The following PRELID2 variants were observed in gnomAD, a reference collection of about 807,000 sequenced individuals.
PRELID2 encodes PRELI domain-containing protein 2.
PRELID2 carries 25 observed loss-of-function variants against 28.4 expected under a neutral mutation model. The ratio of observed to expected loss-of-function variants is 0.88; its 90% CI spans 0.64 to 1.23. PRELID2 has a LOEUF of 1.23. PRELID2 is among the 50% of genes most tolerant of loss of function. PRELID2 has a pLI of 0.00. For synonymous variants in PRELID2, 76 were observed against 71.6 expected, an observed-to-expected ratio of 1.06 and a Z score of -0.31; for missense variants, 201 against 214.4, an observed-to-expected ratio of 0.94 and a Z score of 0.39.
chr5:145,749,163 T>C (rs1467178420), intron 1 of PRELID2, among the ~76,000 whole-genome samples: 2 of 152,094 alleles, frequency 1.3e-5, no homozygotes, highest in South Asian at 2.1e-4. Flanking sequence ...CAAAAGAAAC[T>C]ATCATCAGAG....
At chr5:145,245,458 A>T in the PRELID2 span, among the ~76,000 whole-genome samples, 4 of 152,142 alleles carry the variant, frequency 2.6e-5, no homozygotes, top group South Asian at 8.3e-4. Flanking sequence ...TCCAAAAAAC[A>T]TTACACTTGG....
intron 1 of PRELID2, among the ~76,000 whole-genome samples, chr5:145,730,395 T>C (rs1271236562): frequency 6.6e-6 from 1 of 152,192 alleles, no homozygotes; most frequent in Non-Finnish European, 1.5e-5. Flanking sequence ...CAAGCAGCAC[T>C]AATAACTAGC....
At chr5:145,653,902 G>C (rs1167017607) in intron 1 of PRELID2, among the ~76,000 whole-genome samples, 4 of 152,148 alleles carry the variant, frequency 2.6e-5, no homozygotes, top group Non-Finnish European at 5.9e-5. Flanking sequence ...TAAGATCAGA[G>C]CAGAAGTGAA....
the PRELID2 span, among the ~76,000 whole-genome samples, chr5:145,312,547 C>A: frequency 6.6e-6 from 1 of 152,154 alleles, no homozygotes; most frequent in South Asian, 2.1e-4. Context: ...AACCATCGGT[C>A]TACTCTCTAC....
intron 1 of PRELID2, among the ~76,000 whole-genome samples, chr5:145,530,102 TGAGAAAG>T (rs1752641932): frequency 6.6e-6 from 1 of 152,138 alleles, no homozygotes; most frequent in South Asian, 2.1e-4. Flanking sequence ...GTTTTTCAGG[TGAGAAAG>T]CCGGGGCTTG....
At chr5:145,540,800 A>G (rs1437126237) in intron 1 of PRELID2, among the ~76,000 whole-genome samples, 2 of 151,950 alleles carry the variant, frequency 1.3e-5, no homozygotes, top group Non-Finnish European at 2.9e-5. Flanking sequence ...GCTTGAAACC[A>G]GAATAAATCA....
chr5:145,497,817 A>G (rs1752321856), intron 1 of PRELID2, among the ~76,000 whole-genome samples: 1 of 152,242 alleles, frequency 6.6e-6, no homozygotes, highest in Non-Finnish European at 1.5e-5. Flanking sequence ...GCTGGAGTGC[A>G]CATCTGGATG....
chr5:145,709,623 G>A (rs1202096086), intron 1 of PRELID2, among the ~76,000 whole-genome samples: 2 of 150,502 alleles, frequency 1.3e-5, no homozygotes, highest in Non-Finnish European at 2.9e-5. Context: ...TGCTCTGTTT[G>A]GGCTAGACCA....
intron 5 of PRELID2, among the ~76,000 whole-genome samples, chr5:145,778,157 A>G (rs1210075997): frequency 6.6e-6 from 1 of 152,188 alleles, no homozygotes; most frequent in Non-Finnish European, 1.5e-5. Context: ...CCCAGGCTCA[A>G]TCAGAGCTGA....
chr5:145,820,484 C>G (rs1226183103), intron 2 of PRELID2, among the ~76,000 whole-genome samples: 3 of 152,144 alleles, frequency 2.0e-5, no homozygotes, highest in African/African-American at 4.8e-5. Context: ...TCCTGCTCAA[C>G]TCCAAAGAGA....
chr5:145,660,148 T>C (rs758251605), intron 1 of PRELID2, among the ~76,000 whole-genome samples: 1 of 152,160 alleles, frequency 6.6e-6, no homozygotes, highest in Non-Finnish European at 1.5e-5. Context: ...TAAGGATTCA[T>C]AGTGAAGGAT....
At chr5:145,270,176 C>A in the PRELID2 span, among the ~76,000 whole-genome samples, 3 of 151,798 alleles carry the variant, frequency 2.0e-5, no homozygotes, top group Non-Finnish European at 2.9e-5. Flanking sequence ...TTAAAAAAAA[C>A]TCTTCAGCGG....
chr5:145,377,058 G>T, the PRELID2 span, among the ~76,000 whole-genome samples: 2 of 152,020 alleles, frequency 1.3e-5, no homozygotes, highest in East Asian at 1.9e-4. Context: ...CTCTGCCTTA[G>T]ATGTGTCCCA....
intron 1 of PRELID2, among the ~76,000 whole-genome samples, chr5:145,621,830 G>A (rs1228310772): frequency 6.6e-6 from 1 of 152,104 alleles, no homozygotes; most frequent in Non-Finnish European, 1.5e-5. Context: ...CAATAAGCTA[G>A]AAGAGAGAAT....
At chr5:145,800,119 C>CA (rs1021225523) in intron 4 of PRELID2, among the ~76,000 whole-genome samples, 50 of 151,596 alleles carry the variant, frequency 3.3e-4, no homozygotes, top group African/African-American at 1.1e-3. Context: ...CTGAAACAAT[C>CA]AAAAAAAATC....
the PRELID2 span, among the ~76,000 whole-genome samples, chr5:145,333,462 C>G: frequency 6.6e-6 from 1 of 152,168 alleles, no homozygotes; most frequent in Non-Finnish European, 1.5e-5. Flanking sequence ...TTCAGAGATG[C>G]CCTGCCAAGA....
chr5:145,610,378 G>T (rs1753596230), intron 1 of PRELID2, among the ~76,000 whole-genome samples: 1 of 152,022 alleles, frequency 6.6e-6, no homozygotes, highest in African/African-American at 2.4e-5. Context: ...TGAGAGCAGT[G>T]CTCATGAGCT....
chr5:145,767,762 A>G (rs1757855234), intron 5 of PRELID2, among the ~76,000 whole-genome samples: 1 of 152,178 alleles, frequency 6.6e-6, no homozygotes, highest in South Asian at 2.1e-4. Context: ...GAACTATCCC[A>G]TTTCAATGTG....
At chr5:145,427,367 T>G in the PRELID2 span, among the ~76,000 whole-genome samples, 32 of 152,360 alleles carry the variant, frequency 2.1e-4, 1 homozygote, top group Middle Eastern at 6.8e-3. Context: ...TAATCAGATT[T>G]AAGACTCTCC....
Sources: gnomAD v4.1 joint callset for allele counts (sites outside exome capture counted in the v4.1 genomes callset) on GRCh38, gnomAD v4.1.1 for gene constraint, MANE v1.5 for transcripts, NCBI Gene and HGNC (gene_info 2026-07-23, HGNC 2026-07-21) for gene names.